The following RARS2 variants were observed in gnomAD, a reference collection of about 807,000 sequenced individuals.
The protein encoded by RARS2 is arginyl-tRNA synthetase 2, mitochondrial, also known as probable arginine--tRNA ligase, mitochondrial.
A neutral mutation model predicts 88.5 loss-of-function variants in RARS2; 67 were observed. That is an observed-to-expected ratio of 0.76 (90% confidence interval 0.62 to 0.93). The LOEUF is 0.93. RARS2 is among the 40% of genes least tolerant of loss of function. The probability of loss-of-function intolerance (pLI) is 0.00; values close to 1 mark genes in which losing one functional copy is unlikely to be tolerated. For missense variants in RARS2, 664 were observed against 684.2 expected, an observed-to-expected ratio of 0.97 and a Z score of 0.33; for synonymous variants, 239 against 230.3, an observed-to-expected ratio of 1.04 and a Z score of -0.34.
rs2128007736 is a variant in RARS2, at chr6:87,519,795, T to G, written c.1113-88A>C. 4.0e-6 allele frequency: 6 copies of G among 1,487,162 alleles called. No individual in the cohort carries two copies. In the South Asian group the frequency reaches 6.8e-5, roughly 17 times the overall value. The allele number at this position is 1,487,162 out of a possible 1,614,324, so 92.1% of individuals were successfully genotyped here. Reference sequence around the variant, plus strand: ...TACCTTTCAGAGAGTGGTTTGAACTTTAACCATCAGAGCAGAGTTTTTAAA... The same window carrying G: ...TACCTTTCAGAGAGTGGTTTGAACTGTAACCATCAGAGCAGAGTTTTTAAA... On this transcript the variant is annotated intron_variant, in intron 13 of 19. Coordinates refer to ENST00000369536, the MANE Select transcript of RARS2 (RefSeq NM_020320.5).
chr6:87,529,657 G>A lies in RARS2; in HGVS notation c.772-9C>T. 1 of 1,563,074 alleles carries A rather than the reference G, an allele frequency of 6.4e-7. No homozygotes were observed. Among genetic ancestry groups the A allele is most frequent in the Non-Finnish European group, 8.8e-7 (1 of 1,133,786 alleles). On this transcript the variant is annotated splice_polypyrimidine_tract_variant and intron_variant, in intron 9 of 19. Coordinates refer to ENST00000369536, the MANE Select transcript of RARS2 (RefSeq NM_020320.5). ...AAATATACTCCCAGACGCTAAAAGA[G>A]TTCAGAAACAAAAAGACAAAGAAAT...
At chr6:87,536,594 G>C (rs1299669669) in intron 8 of RARS2, among the ~76,000 whole-genome samples, 1 of 148,264 alleles carries the variant, frequency 6.7e-6, no homozygotes, top group South Asian at 2.1e-4. Context: ...CTGAGATCAC[G>C]CCACTGCACT....
chr6:87,565,394 T>C (rs550353996), intron 2 of RARS2, among the ~76,000 whole-genome samples: 1 of 151,786 alleles, frequency 6.6e-6, no homozygotes, highest in Non-Finnish European at 1.5e-5. Flanking sequence ...GAAAAAAAAA[T>C]ACAAAAACAA....
In RARS2 at chr6:87,542,779, G is replaced by A. The variant is rs370161848; in HGVS notation, c.536-785C>T. ...CTGCATAAAGATGATCATAACTTCCGTTAGAAAGGATATATGCAGCCTGGG... is the reference window on the plus strand; with the variant it reads ...CTGCATAAAGATGATCATAACTTCCATTAGAAAGGATATATGCAGCCTGGG... On this transcript the variant is annotated intron_variant, in intron 7 of 19. Transcript: ENST00000369536. Among the ~76,000 whole-genome samples, 87 of 142,708 alleles carry A rather than the reference G, an allele frequency of 6.1e-4. 1 individual carries two copies. The highest frequency in any genetic ancestry group is 2.2e-3 in the African/African-American group (84 of 38,982). 93.6% of individuals were successfully genotyped at this position (142,708 alleles called of 152,430 possible).
intron 1 of RARS2, among the ~76,000 whole-genome samples, chr6:87,578,025 G>A (rs1772124671): frequency 1.3e-5 from 2 of 151,952 alleles, no homozygotes; most frequent in Non-Finnish European, 2.9e-5. Flanking sequence ...GCTCATGCCT[G>A]TAATCCGAAT....
intron 10 of RARS2, among the ~76,000 whole-genome samples, chr6:87,528,063 T>TAA (rs55794237): frequency 1.6e-5 from 2 of 128,980 alleles, no homozygotes; most frequent in Non-Finnish European, 1.7e-5. Flanking sequence ...CCTGGGAACA[T>TAA]AAAAAAAAAA....
chr6:87,546,349 TAC>T (rs775237515), intron 6 of RARS2, among the ~76,000 whole-genome samples: 8 of 152,348 alleles, frequency 5.3e-5, no homozygotes, highest in Middle Eastern at 6.8e-3. Flanking sequence ...GGCAATCAGA[TAC>T]AGTGTCTGTA....
intron 12 of RARS2, 114 bp downstream of exon 12, chr6:87,521,340 TTTAAACATAC>T: frequency 1.3e-6 from 1 of 772,918 alleles, no homozygotes; most frequent in Non-Finnish European, 2.2e-6. Flanking sequence ...AGTTGCCCAC[TTTAAACATAC>T]TTAATGTTGA....
At chr6:87,537,211 T>C (rs1779454277) in intron 8 of RARS2, among the ~76,000 whole-genome samples, 1 of 152,204 alleles carries the variant, frequency 6.6e-6, no homozygotes. Context: ...TGCCAGAAGG[T>C]TGAAAGTGCC....
At chr6:87,563,494 T>C (rs147227486) in intron 3 of RARS2, among the ~76,000 whole-genome samples, 453 of 152,356 alleles carry the variant, frequency 3.0e-3, no homozygotes, top group African/African-American at 0.01. Context: ...TTTTCTATGA[T>C]AGTGACTTTC....
chr6:87,577,705 T>C (rs1405426204), intron 1 of RARS2, among the ~76,000 whole-genome samples: 2 of 152,204 alleles, frequency 1.3e-5, no homozygotes, highest in Non-Finnish European at 2.9e-5. Flanking sequence ...ATAAATGTTA[T>C]AAACTTTGAG....
chr6:87,586,783 G>A (rs1329720696), intron 1 of RARS2, among the ~76,000 whole-genome samples: 1 of 152,152 alleles, frequency 6.6e-6, no homozygotes, highest in Non-Finnish European at 1.5e-5. Context: ...GTATCCTTGG[G>A]ACCACAAGTG....
At chr6:87,524,411 T>C in intron 11 of RARS2, 146 bp downstream of exon 11, 1 of 717,036 alleles carries the variant, frequency 1.4e-6, no homozygotes, top group Non-Finnish European at 2.5e-6. Flanking sequence ...ATACTTTTAG[T>C]TGATTATGAA....
intron 8 of RARS2, among the ~76,000 whole-genome samples, chr6:87,540,652 T>A (rs1219276555): frequency 6.6e-6 from 1 of 152,050 alleles, no homozygotes; most frequent in African/African-American, 2.4e-5. Flanking sequence ...CTGTCACCAA[T>A]ATGGCTGACT....
At chr6:87,585,476 A>G (rs145698466) in intron 1 of RARS2, among the ~76,000 whole-genome samples, 5 of 152,334 alleles carry the variant, frequency 3.3e-5, no homozygotes, top group African/African-American at 1.2e-4. Flanking sequence ...CACGCCTGTA[A>G]TCCCGGCACT....
At position 87,516,673 on chromosome 6, in the gene RARS2, A is replaced by G. The variant is rs372427685; in HGVS notation, c.1586+133T>C. 1.6e-5 allele frequency: 21 copies of G among 1,278,572 alleles called. 1 individual carries two copies. The East Asian group carries it at 3.2e-4, about 20-fold the overall frequency. The allele number at this position is 1,278,572 out of a possible 1,614,324, so 79.2% of individuals were successfully genotyped here. A position where few individuals can be genotyped will look rare whatever the true frequency, so the allele number is the denominator to read the frequency against. On this transcript the variant is annotated intron_variant, in intron 18 of 19. Coordinates refer to ENST00000369536, the MANE Select transcript of RARS2 (RefSeq NM_020320.5). ...AGGAACATTAACTGCTAATTTGTAT[A>G]GATGAAGCAATAATTCCTGTAACTA...
chr6:87,580,924 G>A (rs944725997), intron 1 of RARS2, among the ~76,000 whole-genome samples: 2 of 152,050 alleles, frequency 1.3e-5, no homozygotes, highest in Non-Finnish European at 2.9e-5. Context: ...AATGTACCAA[G>A]CACAATTCTA....
chr6:87,579,819 C>T (rs531044623), intron 1 of RARS2, among the ~76,000 whole-genome samples: 2 of 146,122 alleles, frequency 1.4e-5, no homozygotes, highest in South Asian at 2.2e-4. Flanking sequence ...CTCCGCCTCC[C>T]GGGCTCAAGC....
chr6:87,562,670 A>C, intron 4 of RARS2, 32 bp downstream of exon 4: 1 of 1,508,652 alleles, frequency 6.6e-7, no homozygotes, highest in Non-Finnish European at 9.2e-7. Flanking sequence ...ACAGAATGAA[A>C]GCACAATGGC....
Sources: gnomAD v4.1 joint callset for allele counts (sites outside exome capture counted in the v4.1 genomes callset) on GRCh38, gnomAD v4.1.1 for gene constraint, MANE v1.5 for transcripts, NCBI Gene and HGNC (gene_info 2026-07-23, HGNC 2026-07-21) for gene names.